Variants in ZFAT observed in about 807,000 individuals in gnomAD.
The protein encoded by ZFAT is zinc finger protein ZFAT.
Under a neutral mutation model 117.7 loss-of-function variants are expected in ZFAT, and 64 were observed. The ratio of observed to expected loss-of-function variants is 0.54; its 90% CI spans 0.44 to 0.67. The LOEUF (loss-of-function observed/expected upper bound fraction) is 0.67. Ranked by LOEUF, ZFAT falls within the 30% of genes least tolerant of loss-of-function variation. The pLI is 0.00. For missense variants in ZFAT, 1,433 were observed against 1,584.5 expected (o/e 0.90, Z 1.62); for synonymous variants, 679 against 615.0 (o/e 1.10, Z -1.54).
At chr8:134,772,465 C>G in the ZFAT span, among the ~76,000 whole-genome samples, 1 of 152,154 alleles carries the variant, frequency 6.6e-6, no homozygotes, top group Admixed American at 6.5e-5. Context: ...AAAGTCTAAT[C>G]CAGAGCAAGG....
At chr8:134,696,948 C>T (rs1439262228) in intron 1 of ZFAT, among the ~76,000 whole-genome samples, 3 of 151,332 alleles carry the variant, frequency 2.0e-5, no homozygotes, top group Non-Finnish European at 2.9e-5. Flanking sequence ...AGACGAGTCT[C>T]GCTGTGTCGC....
chr8:134,569,753 C>G (rs1032544066), intron 10 of ZFAT, among the ~76,000 whole-genome samples: 1 of 152,168 alleles, frequency 6.6e-6, no homozygotes, highest in Admixed American at 6.5e-5. Context: ...GACCTTTCAG[C>G]TGAGTGCAGT....
intron 11 of ZFAT, among the ~76,000 whole-genome samples, chr8:134,552,122 G>C (rs1823211193): frequency 6.6e-6 from 1 of 152,068 alleles, no homozygotes; most frequent in Non-Finnish European, 1.5e-5. Flanking sequence ...TAACATATTT[G>C]CTGTTACTTT....
the ZFAT span, among the ~76,000 whole-genome samples, chr8:134,739,954 C>G: frequency 6.6e-6 from 1 of 152,358 alleles, no homozygotes; most frequent in Admixed American, 6.5e-5. Flanking sequence ...TGTCAATACC[C>G]AGCTTCCTCA....
At chr8:134,486,346 T>C (rs1318085778) in intron 15 of ZFAT, among the ~76,000 whole-genome samples, 2 of 152,090 alleles carry the variant, frequency 1.3e-5, no homozygotes, top group Non-Finnish European at 2.9e-5. Context: ...GAATCATCCT[T>C]TATGTTTTTC....
the ZFAT span, among the ~76,000 whole-genome samples, chr8:134,825,543 A>C: frequency 6.6e-6 from 1 of 152,360 alleles, no homozygotes; most frequent in South Asian, 2.1e-4. Flanking sequence ...AAACATTAGA[A>C]AACAACAACC....
chr8:134,713,107 C>CGCCGAGCGCGGCCCGGCAGG (rs1814089428), upstream of ZFAT: 3 of 407,248 alleles, frequency 7.4e-6, no homozygotes, highest in African/African-American at 2.1e-5. Flanking sequence ...CCTCCCCCGG[C>CGCCGAGCGCGGCCCGGCAGG]GCCGAGCGCG....
chr8:134,651,466 G>A (rs1831237766), intron 2 of ZFAT, among the ~76,000 whole-genome samples: 2 of 152,166 alleles, frequency 1.3e-5, no homozygotes, highest in Non-Finnish European at 1.5e-5. Flanking sequence ...GGTAGTTGTA[G>A]AAGTTGTACA....
chr8:134,606,092 C>T (rs1419518211), intron 5 of ZFAT, among the ~76,000 whole-genome samples: 3 of 152,178 alleles, frequency 2.0e-5, no homozygotes, highest in Admixed American at 1.3e-4. Flanking sequence ...GAAAAGGAAG[C>T]GGTGCCTGCA....
At chr8:134,665,076 G>A (rs540427828) in intron 1 of ZFAT, among the ~76,000 whole-genome samples, 3 of 152,344 alleles carry the variant, frequency 2.0e-5, no homozygotes, top group Admixed American at 1.3e-4. Flanking sequence ...GGTCCTGTCT[G>A]CAACCTCTGA....
chr8:134,617,202 C>A (rs1198518804), intron 3 of ZFAT, among the ~76,000 whole-genome samples: 2 of 152,180 alleles, frequency 1.3e-5, no homozygotes, highest in African/African-American at 4.8e-5. Context: ...TCTGGTGGTT[C>A]TAGACAGCCA....
At chr8:134,745,372 C>T in the ZFAT span, among the ~76,000 whole-genome samples, 2 of 152,144 alleles carry the variant, frequency 1.3e-5, no homozygotes, top group African/African-American at 2.4e-5. Flanking sequence ...CAGTCCTGGA[C>T]CCTAAAGCTG....
chr8:134,701,990 G>A (rs1834020088), intron 1 of ZFAT, among the ~76,000 whole-genome samples: 1 of 152,194 alleles, frequency 6.6e-6, no homozygotes, highest in African/African-American at 2.4e-5. Context: ...GGATTAATGG[G>A]TTATGATGGG....
At chr8:134,516,670 A>AT (rs994916214) in intron 13 of ZFAT, among the ~76,000 whole-genome samples, 1 of 152,028 alleles carries the variant, frequency 6.6e-6, no homozygotes, top group African/African-American at 2.4e-5. Flanking sequence ...TCCTGTCTCT[A>AT]TTTTTAAAAA....
chr8:134,781,679 G>A, the ZFAT span, among the ~76,000 whole-genome samples: 6 of 152,150 alleles, frequency 3.9e-5, no homozygotes, highest in East Asian at 7.7e-4. Flanking sequence ...TACACCAACC[G>A]TGCCTTGCTT....
chr8:134,774,409 G>A, the ZFAT span, among the ~76,000 whole-genome samples: 6 of 152,170 alleles, frequency 3.9e-5, no homozygotes, highest in Non-Finnish European at 8.8e-5. Context: ...CTTCGCTGCT[G>A]TCTTCTTTTG....
the ZFAT span, among the ~76,000 whole-genome samples, chr8:134,823,459 C>T: frequency 2.0e-5 from 3 of 152,052 alleles, no homozygotes; most frequent in African/African-American, 7.2e-5. Flanking sequence ...TACATTAATT[C>T]CTGGCTACTC....
intron 5 of ZFAT, among the ~76,000 whole-genome samples, chr8:134,604,282 C>A (rs1827721445): frequency 6.6e-6 from 1 of 152,206 alleles, no homozygotes; most frequent in African/African-American, 2.4e-5. Context: ...GAAGTCAGGA[C>A]TTGAATCTAG....
At chr8:134,587,486 C>A (rs756550030) in intron 9 of ZFAT, among the ~76,000 whole-genome samples, 4 of 152,156 alleles carry the variant, frequency 2.6e-5, no homozygotes, top group Non-Finnish European at 4.4e-5. Context: ...TCATCCCCCT[C>A]TACTCTTGTT....
Sources: gnomAD v4.1 joint callset for allele counts (sites outside exome capture counted in the v4.1 genomes callset) on GRCh38, gnomAD v4.1.1 for gene constraint, MANE v1.5 for transcripts, NCBI Gene and HGNC (gene_info 2026-07-23, HGNC 2026-07-21) for gene names.